Variants in BMPR1B observed in about 807,000 individuals in gnomAD.
BMPR1B encodes the protein bone morphogenetic protein receptor type-1B.
BMPR1B carries 12 observed loss-of-function variants against 59.1 expected under a neutral mutation model. That is an observed-to-expected ratio of 0.20 (90% confidence interval 0.13 to 0.33). BMPR1B has a LOEUF of 0.33. BMPR1B is among the 10% of genes least tolerant of loss of function. BMPR1B has a pLI of 1.00. For synonymous variants in BMPR1B, 237 were observed against 207.3 expected, an observed-to-expected ratio of 1.14 and a Z score of -1.23; for missense variants, 550 against 610.9, an observed-to-expected ratio of 0.90 and a Z score of 1.05.
At chr4:94,841,263 G>A (rs1238978495) in intron 1 of BMPR1B, among the ~76,000 whole-genome samples, 3 of 145,156 alleles carry the variant, frequency 2.1e-5, no homozygotes, top group Non-Finnish European at 4.6e-5. Context: ...GAGGCAGGCA[G>A]GCCTCCTTGA....
chr4:95,051,745 C>T (rs1309194455), intron 3 of BMPR1B: 1 of 1,535,574 alleles, frequency 6.5e-7, no homozygotes, highest in East Asian at 2.4e-5. Flanking sequence ...CATTTTCTTG[C>T]TCATTCTTCT....
intron 3 of BMPR1B, among the ~76,000 whole-genome samples, chr4:95,058,021 A>T (rs1212319686): frequency 6.6e-6 from 1 of 152,186 alleles, no homozygotes; most frequent in Non-Finnish European, 1.5e-5. Flanking sequence ...CGGGATGTCA[A>T]CGTGGTGGCA....
intron 3 of BMPR1B, among the ~76,000 whole-genome samples, chr4:95,041,995 C>A (rs988786937): frequency 6.6e-6 from 1 of 152,002 alleles, no homozygotes; most frequent in Non-Finnish European, 1.5e-5. Flanking sequence ...TAGCTGGGAC[C>A]ATAGGCGCCA....
At chr4:95,109,802 T>C (rs1178104830) in intron 4 of BMPR1B, among the ~76,000 whole-genome samples, 1 of 151,578 alleles carries the variant, frequency 6.6e-6, no homozygotes, top group Non-Finnish European at 1.5e-5. Flanking sequence ...GTTGGTGTGC[T>C]GCACCCATTA....
chr4:95,116,602 G>A (rs1349452004), intron 6 of BMPR1B, among the ~76,000 whole-genome samples: 2 of 150,814 alleles, frequency 1.3e-5, no homozygotes, highest in Non-Finnish European at 3.0e-5. Context: ...ACTTTGTTTT[G>A]CTTTCTCTCT....
chr4:94,873,410 C>CTCTTT (rs763544899), intron 1 of BMPR1B, among the ~76,000 whole-genome samples: 1 of 139,626 alleles, frequency 7.2e-6, no homozygotes, highest in Non-Finnish European at 1.6e-5. Flanking sequence ...GCTATGAATT[C>CTCTTT]TTTTTTTTTT....
At chr4:94,924,088 G>A (rs1728798373) in intron 2 of BMPR1B, among the ~76,000 whole-genome samples, 1 of 151,982 alleles carries the variant, frequency 6.6e-6, no homozygotes, top group South Asian at 2.1e-4. Flanking sequence ...CCCTTCCGAG[G>A]AGTATTTTTT....
At chr4:94,921,818 T>A (rs1207068327) in intron 2 of BMPR1B, among the ~76,000 whole-genome samples, 2 of 152,190 alleles carry the variant, frequency 1.3e-5, no homozygotes, top group Non-Finnish European at 2.9e-5. Context: ...TTTTTGTGAA[T>A]TTTGAAGTAT....
chr4:94,870,869 G>A (rs1206495958), intron 1 of BMPR1B, among the ~76,000 whole-genome samples: 2 of 152,084 alleles, frequency 1.3e-5, no homozygotes, highest in Admixed American at 1.3e-4. Context: ...GGTGTCTTTT[G>A]GTAGGCTCTT....
chr4:94,886,640 A>T (rs1271189967), intron 2 of BMPR1B, among the ~76,000 whole-genome samples: 2 of 152,234 alleles, frequency 1.3e-5, no homozygotes, highest in South Asian at 2.1e-4. Context: ...CCCAATGGAT[A>T]TGAAATTAAT....
intron 2 of BMPR1B, among the ~76,000 whole-genome samples, chr4:94,886,731 G>A (rs758647327): frequency 6.6e-6 from 1 of 152,134 alleles, no homozygotes; most frequent in Non-Finnish European, 1.5e-5. Context: ...CAAAATAACT[G>A]TAAGTTCTGC....
intron 1 of BMPR1B, among the ~76,000 whole-genome samples, chr4:94,870,471 A>G (rs959843357): frequency 8.6e-5 from 13 of 150,794 alleles, no homozygotes; most frequent in African/African-American, 1.0e-4. Flanking sequence ...AGTTTCTGCT[A>G]TAAAAGAAAC....
At chr4:94,764,274 A>G (rs1192450150) in intron 1 of BMPR1B, among the ~76,000 whole-genome samples, 1 of 152,136 alleles carries the variant, frequency 6.6e-6, no homozygotes, top group Non-Finnish European at 1.5e-5. Flanking sequence ...AGCAGAGAGT[A>G]GAGGGAGGGT....
intron 2 of BMPR1B, among the ~76,000 whole-genome samples, chr4:94,974,906 C>A (rs567108558): frequency 2.0e-5 from 3 of 152,020 alleles, no homozygotes; most frequent in Non-Finnish European, 4.4e-5. Context: ...AGAAATGAAC[C>A]GTAAAGGGTT....
intron 10 of BMPR1B, among the ~76,000 whole-genome samples, chr4:95,138,045 C>CG (rs1283662949): frequency 6.6e-6 from 1 of 152,138 alleles, no homozygotes; most frequent in African/African-American, 2.4e-5. Flanking sequence ...TGGCTGCTAC[C>CG]GGTTGTTCCT....
intron 3 of BMPR1B, among the ~76,000 whole-genome samples, chr4:94,999,774 C>T (rs1490275402): frequency 6.6e-6 from 1 of 152,090 alleles, no homozygotes; most frequent in Non-Finnish European, 1.5e-5. Flanking sequence ...ACTAGTAAAC[C>T]TTCAAATTTC....
chr4:94,970,317 T>TC (rs1371816416), intron 2 of BMPR1B, among the ~76,000 whole-genome samples: 14,671 of 141,990 alleles, frequency 0.1, 1,318 homozygotes, highest in South Asian at 0.16. Context: ...TCTCTCTCTC[T>TC]TTCTCTCTTT....
intron 1 of BMPR1B, among the ~76,000 whole-genome samples, chr4:94,821,458 T>A (rs1212528096): frequency 5.9e-5 from 9 of 152,270 alleles, no homozygotes; most frequent in East Asian, 5.8e-4. Context: ...AAATATTTTT[T>A]AAAATTTTAA....
intron 1 of BMPR1B, among the ~76,000 whole-genome samples, chr4:94,849,303 CTGTTTA>C (rs905968924): frequency 3.9e-5 from 6 of 152,052 alleles, no homozygotes; most frequent in African/African-American, 1.5e-4. Flanking sequence ...CAGTTAAGTC[CTGTTTA>C]AAGTTTAGCA....
Sources: allele counts gnomAD v4.1 joint callset (sites outside exome capture counted in the v4.1 genomes callset), GRCh38; gene constraint gnomAD v4.1.1; transcripts MANE v1.5; gene names NCBI Gene and HGNC (gene_info 2026-07-23, HGNC 2026-07-21).